The following PREPL variants were observed in gnomAD, a reference collection of about 807,000 sequenced individuals.
PREPL encodes prolyl endopeptidase like, also known as prolyl endopeptidase-like.
Under a neutral mutation model 70.6 loss-of-function variants are expected in PREPL, and 77 were observed. That is an observed-to-expected ratio of 1.09 (90% CI 0.91 to 1.32). The LOEUF (loss-of-function observed/expected upper bound fraction) is 1.32, where lower values mean the gene tolerates loss of function less well. Among genes scored for constraint, PREPL ranks in the 40% most tolerant of loss-of-function variants. PREPL has a pLI of 0.00. For missense variants in PREPL, 1,002 were observed against 778.2 expected, an observed-to-expected ratio of 1.29 and a Z score of -3.42; for synonymous variants, 315 against 264.8, an observed-to-expected ratio of 1.19 and a Z score of -1.84.
In PREPL at chr2:44,332,533, G is replaced by A; in HGVS notation, c.1012C>T (p.Leu338=). ...TCTTCATGCCCAGTTTCCTCAAACA[G>A]TTTGCCTTCTGCAAACTTGTATGTG... ...YYTYKFAEGK[L]FEETGHEDPI... The change falls in exon 8 of 14, where the codon CTG becomes TTG. Residue 338 remains leucine, a synonymous_variant. Transcript: ENST00000409411. 6.2e-7 allele frequency: 1 copy of A among 1,614,132 alleles called. No homozygotes were observed.
chr2:44,356,403 G>A (rs1677049065), intron 1 of PREPL: 1 of 152,154 alleles, frequency 6.6e-6, no homozygotes, highest in Non-Finnish European at 1.5e-5. Context: ...AAATTTAGCT[G>A]GGCATGGTGG....
In PREPL at chr2:44,320,435, G is replaced by A. The variant is rs698761; in HGVS notation, c.*921C>T. 0.65 allele frequency: 1,045,676 copies of A among 1,613,640 alleles called. 349,250 individuals carry two copies. The highest frequency in any genetic ancestry group is 0.69 in the Non-Finnish European group (815,654 of 1,179,718). The stretch of plus-strand genomic sequence containing the variant: ...TGATTTCGGGCCTTCCCGCTAAAAT[G>A]AGAATAAGGTTAAGTACCAATTCTG... On this transcript the variant is annotated 3_prime_UTR_variant, in exon 14 of 14. Transcript: ENST00000409411.
At chr2:44,354,576 CTCTT>C (rs1676807339) in intron 1 of PREPL, among the ~76,000 whole-genome samples, 2 of 145,224 alleles carry the variant, frequency 1.4e-5, no homozygotes, top group Non-Finnish European at 1.5e-5. Context: ...CTTTCCTCCT[CTCTT>C]TTTTTTTTTT....
intron 1 of PREPL, among the ~76,000 whole-genome samples, chr2:44,347,056 C>A (rs188076474): frequency 6.6e-6 from 1 of 152,056 alleles, no homozygotes; most frequent in Non-Finnish European, 1.5e-5. Context: ...ACTGGCGAGG[C>A]GCAGTGGCTC....
At chr2:44,341,767 T>A (rs1005638303) in intron 5 of PREPL, among the ~76,000 whole-genome samples, 9 of 152,040 alleles carry the variant, frequency 5.9e-5, no homozygotes, top group African/African-American at 2.2e-4. Context: ...TTGTTAGTAC[T>A]TTGGGTGTAT....
chr2:44,356,048 A>G (rs1301814645), intron 1 of PREPL, among the ~76,000 whole-genome samples: 1 of 152,182 alleles, frequency 6.6e-6, no homozygotes, highest in Admixed American at 6.5e-5. Flanking sequence ...GCTTGTAAGT[A>G]TAATAGAGTA....
chr2:44,342,735 T>G (rs2103972174), intron 4 of PREPL, among the ~76,000 whole-genome samples, 183 bp from the exon 5 acceptor site: 1 of 152,218 alleles, frequency 6.6e-6, no homozygotes, highest in Middle Eastern at 3.4e-3. Context: ...TTCCTGAGAA[T>G]AAACCACTAC....
chr2:44,332,534 T>A lies in PREPL; in HGVS notation c.1011A>T (p.Lys337Asn). The A allele has an allele frequency of 6.2e-7, 1 of 1,613,506 alleles. No individual in the cohort carries two copies. The highest frequency in any genetic ancestry group is 8.5e-7 in the Non-Finnish European group (1 of 1,179,840). Residue 337 changes from lysine (K) to asparagine (N), a missense_variant, in exon 8 of 14, where the codon AAA becomes AAT. Coordinates refer to ENST00000409411, the MANE Select transcript of PREPL (RefSeq NM_001171613.2). ...KYYTYKFAEG[K>N]LFEETGHEDP... ...CTTCATGCCCAGTTTCCTCAAACAG[T>A]TTGCCTTCTGCAAACTTGTATGTGT...
intron 11 of PREPL, 24 bp from the exon 12 acceptor site, chr2:44,322,878 GA>G: frequency 1.2e-6 from 2 of 1,610,086 alleles, no homozygotes; most frequent in Non-Finnish European, 1.7e-6. Flanking sequence ...CATGCACGAA[GA>G]GTTTACATTA....
In PREPL at chr2:44,326,832, A is replaced by C; in HGVS notation, c.1359T>G (p.Leu453=). 1.2e-6 allele frequency: 2 copies of C among 1,614,202 alleles called. No individual in the cohort carries two copies. Among genetic ancestry groups the C allele is most frequent in the Non-Finnish European group, 1.7e-6 (2 of 1,180,022 alleles). Residue 453 remains leucine, a synonymous_variant, in exon 10 of 14, where the codon CTT becomes CTG. Coordinates refer to ENST00000409411, the MANE Select transcript of PREPL (RefSeq NM_001171613.2). ...TTGGCTGAGAAAAGCCTTGGCCATG[A>C]AGCGTCTTAATGCAAGCCTCTAAAT... is the stretch of plus-strand genomic sequence containing the variant. ...LADLEACIKT[L]HGQGFSQPSL...
At chr2:44,325,150 C>T (rs1241277823) in intron 10 of PREPL, among the ~76,000 whole-genome samples, 1 of 152,218 alleles carries the variant, frequency 6.6e-6, no homozygotes, top group South Asian at 2.1e-4. Flanking sequence ...AAGTGCTAGA[C>T]TTCTCTTTCC....
chr2:44,349,452 T>C (rs768402568), intron 1 of PREPL, among the ~76,000 whole-genome samples: 2 of 151,796 alleles, frequency 1.3e-5, no homozygotes, highest in Non-Finnish European at 2.9e-5. Flanking sequence ...AAATAATACA[T>C]TGAAAAAACA....
chr2:44,320,279 C>A lies in PREPL; in HGVS notation c.*1077G>T. The A allele has an allele frequency of 1.2e-6, 2 of 1,614,056 alleles. No individual in the cohort carries two copies. Among genetic ancestry groups the A allele is most frequent in the East Asian group, 2.2e-5 (1 of 44,886 alleles). ...TTCATGCCAATGAGCTACTCCTCAA[C>A]AGGGGCTGGTTTTGCCATTTGAGGA... On this transcript the variant is annotated 3_prime_UTR_variant, in exon 14 of 14. Transcript: ENST00000409411.
intron 2 of PREPL, 63 bp downstream of exon 2, chr2:44,346,205 A>T: frequency 6.9e-7 from 1 of 1,450,558 alleles, no homozygotes; most frequent in Admixed American, 1.8e-5. Context: ...ATCACCAAGT[A>T]TCTCATTTGC....
At chr2:44,348,760 A>G (rs756177857) in intron 1 of PREPL, among the ~76,000 whole-genome samples, 8 of 152,220 alleles carry the variant, frequency 5.3e-5, no homozygotes, top group Non-Finnish European at 8.8e-5. Context: ...CAGCTTTCTA[A>G]GTAACTCTTC....
chr2:44,351,885 A>G (rs769589029), intron 1 of PREPL, among the ~76,000 whole-genome samples: 1 of 152,226 alleles, frequency 6.6e-6, no homozygotes, highest in African/African-American at 2.4e-5. Context: ...GTGGTTTCCC[A>G]TCTTGCTCAA....
In PREPL at chr2:44,319,624, TAAAA is replaced by T. The variant is rs764957188; in HGVS notation, c.*1728_*1731del. On this transcript the variant is annotated 3_prime_UTR_variant, in exon 14 of 14. Coordinates refer to ENST00000409411, the MANE Select transcript of PREPL (RefSeq NM_001171613.2). Reference sequence around the variant, plus strand: ...CTTTAATGAACACATACTATTATGGTAAAAAAAAGTCTACAATTTCTAACTTTCA... The same window carrying T: ...CTTTAATGAACACATACTATTATGGTAAAAGTCTACAATTTCTAACTTTCA... 6.5e-6 allele frequency: 1 copy of T among 153,020 alleles called. No homozygotes were observed. Among genetic ancestry groups the T allele is most frequent in the Admixed American group, 6.5e-5 (1 of 15,394 alleles). 9.5% of individuals were successfully genotyped at this position (153,020 alleles called of 1,614,324 possible).
Position 44,320,907 on chromosome 2 carries a change from A to T in PREPL, c.*449T>A. 4.3e-6 allele frequency: 2 copies of T among 464,248 alleles called. No individual in the cohort carries two copies. Among genetic ancestry groups the T allele is most frequent in the Non-Finnish European group, 7.7e-6 (2 of 259,304 alleles). The allele number at this position is 464,248 out of a possible 1,614,324, so 28.8% of individuals were successfully genotyped here. A position where few individuals can be genotyped will look rare whatever the true frequency, so the allele number is the denominator to read the frequency against. On this transcript the variant is annotated 3_prime_UTR_variant, in exon 14 of 14. Coordinates refer to ENST00000409411, the MANE Select transcript of PREPL (RefSeq NM_001171613.2). ...AACACATTAGGACCCCAGATTATTC[A>T]AAAACTTTAACGAATTTTAAGGGGA...
intron 1 of PREPL, among the ~76,000 whole-genome samples, chr2:44,357,121 T>C (rs1163144411): frequency 3.9e-5 from 6 of 152,226 alleles, no homozygotes; most frequent in Non-Finnish European, 5.9e-5. Flanking sequence ...TCCCTATTTT[T>C]TTCAGTCAGG....
Sources: allele counts gnomAD v4.1 joint callset (sites outside exome capture counted in the v4.1 genomes callset), GRCh38; gene constraint gnomAD v4.1.1; transcripts MANE v1.5; gene names NCBI Gene and HGNC (gene_info 2026-07-23, HGNC 2026-07-21).